Variants in DNAH14 observed in about 807,000 individuals in gnomAD.
The protein encoded by DNAH14 is axonemal beta dynein heavy chain 14.
DNAH14 carries 478 observed loss-of-function variants against 520.9 expected under a neutral mutation model. That is an observed-to-expected ratio of 0.92 (90% CI 0.85 to 0.99). The LOEUF (loss-of-function observed/expected upper bound fraction) is 0.99. DNAH14 is among the 50% of genes least tolerant of loss of function. The pLI, the probability that DNAH14 is intolerant of heterozygous loss-of-function variation, is 0.00. For synonymous variants in DNAH14, 1,581 were observed against 1,757.2 expected (o/e 0.90, Z 2.51); for missense variants, 4,831 against 5,234.5 (o/e 0.92, Z 2.38).
At position 225,257,987 on chromosome 1, in the gene DNAH14, G is replaced by C. The variant is rs1001912063; in HGVS notation, c.6893G>C (p.Arg2298Thr). 1 of 1,547,556 alleles carries C rather than the reference G, an allele frequency of 6.5e-7. No homozygotes were observed. The highest frequency in any genetic ancestry group is 1.4e-5 in the African/African-American group (1 of 72,542). The change falls in exon 45 of 86, where the codon AGA becomes ACA. Residue 2298 changes from arginine to threonine, a missense_variant. Arg to Thr is a moderately conservative substitution (Grantham distance 71). Coordinates refer to ENST00000682510, the MANE Select transcript of DNAH14 (RefSeq NM_001367479.1). Reference protein sequence around the residue: ...RGTSLLTNLQRSGGNFLKITE... With the variant: ...RGTSLLTNLQTSGGNFLKITE... Reference sequence around the variant, plus strand: ...ACTTCATTACTAACTAATCTTCAAAGATCTGGCGGAAACTTCTTGAAGATA... The same window carrying C: ...ACTTCATTACTAACTAATCTTCAAACATCTGGCGGAAACTTCTTGAAGATA...
intron 2 of DNAH14, 52 bp from the exon 3 acceptor site, chr1:224,954,907 A>C: frequency 7.0e-7 from 1 of 1,435,802 alleles, no homozygotes; most frequent in Non-Finnish European, 9.6e-7. Flanking sequence ...TCAGTATTTT[A>C]TTGGTGTGAT....
Position 225,374,907 on chromosome 1 carries a change from T to C in DNAH14, c.12516+22T>C, listed in dbSNP as rs781172112. On this transcript the variant is annotated intron_variant, in intron 78 of 85. Transcript: ENST00000682510. The stretch of plus-strand genomic sequence containing the variant: ...TGGGGTAGGAAAAGAATCAATCTTC[T>C]TGCATTTCTCGATAATTTTAAAGTA... 13 of 1,508,262 alleles carry C rather than the reference T, an allele frequency of 8.6e-6. No individual in the cohort carries two copies. The Admixed American group carries it at 1.1e-4, about 13-fold the overall frequency. 93.4% of individuals were successfully genotyped at this position (1,508,262 alleles called of 1,614,324 possible).
intron 81 of DNAH14, among the ~76,000 whole-genome samples, chr1:225,384,523 CAATA>C (rs1198635256): frequency 6.6e-6 from 1 of 151,926 alleles, no homozygotes; most frequent in East Asian, 1.9e-4. Context: ...CAAATAGATG[CAATA>C]AAAAATGATA....
chr1:225,126,121 A>G (rs997994458), intron 27 of DNAH14, among the ~76,000 whole-genome samples: 4 of 152,208 alleles, frequency 2.6e-5, no homozygotes, highest in African/African-American at 9.6e-5. Flanking sequence ...AAGATCATTA[A>G]TTGCAGATCA....
chr1:225,220,707 C>T (rs957141803), intron 41 of DNAH14, among the ~76,000 whole-genome samples: 10 of 152,010 alleles, frequency 6.6e-5, no homozygotes, highest in Admixed American at 5.2e-4. Flanking sequence ...GAATCAATAT[C>T]GTGAAAATGG....
At chr1:225,145,269 AC>A (rs1248997073) in intron 29 of DNAH14, 56 bp from the exon 30 acceptor site, 2 of 1,363,066 alleles carry the variant, frequency 1.5e-6, no homozygotes, top group African/African-American at 2.9e-5. Context: ...AGCAGTTTTA[AC>A]ATTAGTATTT....
At chr1:225,047,155 A>G (rs2068040854) in intron 15 of DNAH14, among the ~76,000 whole-genome samples, 1 of 152,142 alleles carries the variant, frequency 6.6e-6, no homozygotes, top group African/African-American at 2.4e-5. Flanking sequence ...TACACACACA[A>G]CTATATTTAT....
Position 225,185,431 on chromosome 1 carries a change from T to C in DNAH14, c.5670+6T>C. On this transcript the variant is annotated splice_donor_region_variant and intron_variant, in intron 37 of 85. Transcript: ENST00000682510. Reference sequence around the variant, plus strand: ...AAAGAAAATCTGCTTCAAAGGTAAATGTTCTGTTAAATAAAATGTTTCTCT... The same window carrying C: ...AAAGAAAATCTGCTTCAAAGGTAAACGTTCTGTTAAATAAAATGTTTCTCT... The C allele has an allele frequency of 6.6e-7, 1 of 1,522,244 alleles. No individual in the cohort carries two copies. The highest frequency in any genetic ancestry group is 2.6e-5 in the East Asian group (1 of 39,200). The allele number at this position is 1,522,244 out of a possible 1,614,324, so 94.3% of individuals were successfully genotyped here.
intron 31 of DNAH14, chr1:225,151,779 C>A (rs2080523443): frequency 1.6e-6 from 1 of 641,566 alleles, no homozygotes; most frequent in South Asian, 1.8e-5. Flanking sequence ...CCAGAAACAT[C>A]TTTGGACATA....
chr1:225,180,965 C>T (rs901584296), intron 36 of DNAH14, among the ~76,000 whole-genome samples: 1 of 152,126 alleles, frequency 6.6e-6, no homozygotes, highest in African/African-American at 2.4e-5. Flanking sequence ...TTTTTCAACC[C>T]TTGCTCCCTT....
chr1:225,229,121 G>A (rs891884258), intron 41 of DNAH14, among the ~76,000 whole-genome samples: 7 of 152,066 alleles, frequency 4.6e-5, no homozygotes, highest in Non-Finnish European at 1.0e-4. Context: ...GAGTGTAGCC[G>A]GCTTATCAGG....
intron 49 of DNAH14, among the ~76,000 whole-genome samples, chr1:225,269,997 A>T (rs2093263281): frequency 6.6e-6 from 1 of 152,208 alleles, no homozygotes; most frequent in Non-Finnish European, 1.5e-5. Context: ...ATTATAAATC[A>T]TGCTGCTATA....
intron 54 of DNAH14, among the ~76,000 whole-genome samples, chr1:225,286,463 C>A (rs1273622807): frequency 6.6e-6 from 1 of 151,984 alleles, no homozygotes; most frequent in Non-Finnish European, 1.5e-5. Flanking sequence ...AAAATAAATA[C>A]CTTACAAAAG....
At chr1:225,333,223 A>C in intron 65 of DNAH14, 68 bp from the exon 66 acceptor site, 2 of 1,295,166 alleles carry the variant, frequency 1.5e-6, no homozygotes, top group East Asian at 5.1e-5. Context: ...CTTGGAAATC[A>C]TTAATTTTAA....
At chr1:225,084,249 A>G (rs1396732554) in intron 20 of DNAH14, among the ~76,000 whole-genome samples, 2 of 152,088 alleles carry the variant, frequency 1.3e-5, no homozygotes, top group African/African-American at 2.4e-5. Flanking sequence ...ATAAGGAGGC[A>G]ATCAGCTGGT....
Position 225,300,980 on chromosome 1 carries a change from C to G in DNAH14, c.8581C>G (p.Gln2861Glu), listed in dbSNP as rs1441798286. Reference protein sequence around the residue: ...IAMKIRYLTEQSGHMDNRQSL... With the variant: ...IAMKIRYLTEESGHMDNRQSL... ...AATGAAAATCAGATATCTTACTGAA[C>G]AATCTGGTCATATGGATAATAGGCA... Residue 2861 changes from glutamine to glutamate, a missense_variant, in exon 56 of 86, where the codon CAA becomes GAA. By Grantham distance (29) the Gln-to-Glu change is conservative. Coordinates refer to ENST00000682510, the MANE Select transcript of DNAH14 (RefSeq NM_001367479.1). 1.9e-6 allele frequency: 3 copies of G among 1,551,042 alleles called. No homozygotes were observed. The highest frequency in any genetic ancestry group is 2.6e-6 in the Non-Finnish European group (3 of 1,146,822).
chr1:225,346,761 T>C, intron 71 of DNAH14, 107 bp downstream of exon 71: 2 of 794,032 alleles, frequency 2.5e-6, no homozygotes, highest in South Asian at 4.6e-5. Context: ...AAAGTAAAAG[T>C]AGCTTGAGGT....
chr1:224,936,532 A>G (rs986132349), intron 1 of DNAH14, among the ~76,000 whole-genome samples: 4 of 152,078 alleles, frequency 2.6e-5, no homozygotes, highest in Non-Finnish European at 5.9e-5. Context: ...GAAACAGAGA[A>G]CATCAACGAA....
At chr1:225,009,751 T>G (rs2064539565) in intron 10 of DNAH14, among the ~76,000 whole-genome samples, 2 of 152,236 alleles carry the variant, frequency 1.3e-5, no homozygotes, top group South Asian at 4.1e-4. Flanking sequence ...GGAATGTTTT[T>G]CCATTTGTTT....
Sources: gnomAD v4.1 joint callset for allele counts (sites outside exome capture counted in the v4.1 genomes callset) on GRCh38, gnomAD v4.1.1 for gene constraint, MANE v1.5 for transcripts, NCBI Gene and HGNC (gene_info 2026-07-23, HGNC 2026-07-21) for gene names.